The following PITPNM3 variants were observed in gnomAD, a reference collection of about 807,000 sequenced individuals.
PITPNM3 encodes the protein PITPNM family member 3.
Under a neutral mutation model 102.0 loss-of-function variants are expected in PITPNM3, and 26 were observed. The ratio of observed to expected loss-of-function variants is 0.25; its 90% CI spans 0.19 to 0.35. PITPNM3 has a LOEUF of 0.35. Ranked by LOEUF, PITPNM3 falls within the 10% of genes least tolerant of loss-of-function variation. The probability of loss-of-function intolerance (pLI) is 1.00; values close to 1 mark genes in which losing one functional copy is unlikely to be tolerated. For missense variants in PITPNM3, 1,083 were observed against 1,346.1 expected, an observed-to-expected ratio of 0.80 and a Z score of 3.06; for synonymous variants, 578 against 558.6, an observed-to-expected ratio of 1.03 and a Z score of -0.49.
intron 9 of PITPNM3, among the ~76,000 whole-genome samples, chr17:6,476,003 G>C (rs1905283462): frequency 6.6e-6 from 1 of 152,206 alleles, no homozygotes; most frequent in South Asian, 2.1e-4. Context: ...GATGTTCACT[G>C]TAGGGCTATT....
At chr17:6,507,422 A>T (rs1907594293) in intron 3 of PITPNM3, among the ~76,000 whole-genome samples, 1 of 91,100 alleles carries the variant, frequency 1.1e-5, no homozygotes, top group South Asian at 3.6e-4. Context: ...CGTCTCTACT[A>T]AAAATACAAA....
rs76219734 is a variant in PITPNM3, at chr17:6,470,564, C to T, written c.1625-156G>A. Among the ~76,000 whole-genome samples the T allele has an allele frequency of 2.5e-3, 374 of 152,228 alleles. 2 individuals carry two copies. Among genetic ancestry groups the T allele is most frequent in the African/African-American group, 8.7e-3 (362 of 41,552 alleles). On this transcript the variant is annotated intron_variant, in intron 12 of 19. Transcript: ENST00000262483. The surrounding 1 kb of genome is among the most constrained non-coding windows in gnomAD (Gnocchi z 4.8). ...TGGCCTGGAGGAGGCCTGGGGAACG[C>T]GCTGCTCTTCCTCCTTCCTTCTCAA...
In PITPNM3 at chr17:6,471,201, C is replaced by G. The variant is rs545099001; in HGVS notation, c.1584G>C (p.Ser528=). The G allele has an allele frequency of 3.1e-6, 5 of 1,613,166 alleles. No homozygotes were observed. In the South Asian group the frequency reaches 3.3e-5, roughly 11 times the overall value. ...MSEGSSHSES[S]ESSDSMAPVG... is the part of the protein sequence containing the mutation. ...CGGGTGCCATGCTGTCCGAGGACTC[C>G]GAGCTCTCGCTGTGGGAGCTCCCCT... Residue 528 remains serine (S), a synonymous_variant, in exon 12 of 20, where the codon TCG becomes TCC. Coordinates refer to ENST00000262483, the MANE Select transcript of PITPNM3 (RefSeq NM_031220.4).
chr17:6,552,757 T>C (rs975975208), intron 1 of PITPNM3, among the ~76,000 whole-genome samples: 1 of 141,690 alleles, frequency 7.1e-6, no homozygotes, highest in Non-Finnish European at 1.5e-5. Context: ...GCCACCTTTC[T>C]TTTTCTTTTT....
rs1262575352 is a variant in PITPNM3 at position 6,483,111 on chromosome 17, AT to A, written c.587+405del. 2.6e-5 allele frequency among the ~76,000 whole-genome samples: 4 copies of A among 151,992 alleles called. No homozygotes were observed. In the East Asian group the frequency reaches 7.8e-4, roughly 30 times the overall value. ...AGGCGCCCGCCACCTCACCTGGCTA[AT>A]TTTTTATATTTGTAGTAGAGACAGG... On this transcript the variant is annotated intron_variant, in intron 6 of 19. Transcript: ENST00000262483.
intron 19 of PITPNM3, among the ~76,000 whole-genome samples, chr17:6,456,973 G>T (rs1329182322): frequency 6.6e-6 from 1 of 152,072 alleles, no homozygotes; most frequent in Non-Finnish European, 1.5e-5. Flanking sequence ...CCTGCCACCT[G>T]CAGCCTGAGG....
At chr17:6,481,143 T>C (rs907716520) in intron 6 of PITPNM3, 1 of 152,334 alleles carries the variant, frequency 6.6e-6, no homozygotes, top group East Asian at 1.9e-4. Flanking sequence ...ATGATGTGAG[T>C]CATGGCCAGC....
rs1480479016 is a variant in PITPNM3 at position 6,470,437 on chromosome 17, C to T, written c.1625-29G>A. On this transcript the variant is annotated intron_variant, in intron 12 of 19. Transcript: ENST00000262483. This position sits in a 1 kb window ranked among gnomAD's most constrained non-coding sequence, Gnocchi z 4.8. The stretch of plus-strand genomic sequence containing the variant: ...TGGGTCGGAGAGGAAGGTGAGGATG[C>T]GTGGCCGGCCCGGGGCCTCACCCGA... 12 of 1,613,602 alleles carry T rather than the reference C, an allele frequency of 7.4e-6. No individual in the cohort carries two copies. Among genetic ancestry groups the T allele is most frequent in the East Asian group, 4.5e-5 (2 of 44,886 alleles).
At chr17:6,524,829 G>C (rs956488773) in intron 3 of PITPNM3, among the ~76,000 whole-genome samples, 1 of 152,160 alleles carries the variant, frequency 6.6e-6, no homozygotes, top group Non-Finnish European at 1.5e-5. Flanking sequence ...AAAAGAATCA[G>C]CCTGCTTTGT....
In PITPNM3 at chr17:6,463,747, G is replaced by GCACC; in HGVS notation, c.2287_2290dup (p.Ala764GlyfsTer53). ...TGGCACTCACCGGACAACATCCACT[G>GCACC]CACCCGGCCGGACCTTGGGGTCGCT... On this transcript the variant is annotated frameshift_variant, in exon 17 of 20. Coordinates refer to ENST00000262483, the MANE Select transcript of PITPNM3 (RefSeq NM_031220.4). LOFTEE classifies it high-confidence loss of function. The GCACC allele has an allele frequency of 6.2e-7, 1 of 1,611,502 alleles. No homozygotes were observed.
intron 2 of PITPNM3, among the ~76,000 whole-genome samples, chr17:6,534,304 C>G (rs778884839): frequency 6.6e-6 from 1 of 152,170 alleles, no homozygotes; most frequent in Non-Finnish European, 1.5e-5. Flanking sequence ...GGCACCCTGC[C>G]GAGGAGTTGT....
At position 6,468,303 on chromosome 17, in the gene PITPNM3, G is replaced by A. The variant is rs367998661; in HGVS notation, c.1812C>T (p.Ala604=). The A allele has an allele frequency of 2.5e-5, 41 of 1,613,904 alleles. No individual in the cohort carries two copies. The highest frequency in any genetic ancestry group is 2.3e-5 in the Non-Finnish European group (27 of 1,180,026). ...GACTCAGTGCTGCAGGGTCCAGGCGGGCGCTTTCCTTGATGTTCACGCTCT... is the reference window on the plus strand; with the variant it reads ...GACTCAGTGCTGCAGGGTCCAGGCGAGCGCTTTCCTTGATGTTCACGCTCT... ...RYESVNIKES[A]RLDPAALSPA... The change falls in exon 14 of 20, where the codon GCC becomes GCT. Residue 604 remains alanine (A), a synonymous_variant. Transcript: ENST00000262483. The surrounding 1 kb of genome is among the most constrained non-coding windows in gnomAD (Gnocchi z 5.2).
rs535769421 is a variant in PITPNM3 at position 6,536,085 on chromosome 17, G to GA, written c.118+1901dup. ...TCTCAAAAAAAAAAGGAAAAAAAAAGAAAAAAAAAAAAGGAGATGATGAGA... is the reference window on the plus strand; with the variant it reads ...TCTCAAAAAAAAAAGGAAAAAAAAAGAAAAAAAAAAAAAGGAGATGATGAGA... On this transcript the variant is annotated intron_variant, in intron 2 of 19. Transcript: ENST00000262483. Among the ~76,000 whole-genome samples, 1,096 of 133,616 alleles carry GA rather than the reference G, an allele frequency of 8.2e-3. 13 individuals carry two copies. Among genetic ancestry groups the GA allele is most frequent in the African/African-American group, 0.026 (938 of 36,290 alleles). The allele number at this position is 133,616 out of a possible 152,430, so 87.7% of individuals were successfully genotyped here. A position where few individuals can be genotyped will look rare whatever the true frequency, so the allele number is the denominator to read the frequency against.
rs1913858880 is a variant in PITPNM3, at chr17:6,451,885, C to CCT, written c.*3452_*3453insAG. 3.3e-5 allele frequency: 1 copy of CCT among 30,418 alleles called. No individual in the cohort carries two copies. The highest frequency in any genetic ancestry group is 4.6e-4 in the Admixed American group (1 of 2,196). 1.9% of individuals were successfully genotyped at this position (30,418 alleles called of 1,614,324 possible). ...ACTTGGCACCCAAACCCCCCCCCCCCGCCCGCCGATGGGATTCGGTGGGAA... is the reference window on the plus strand; with the variant it reads ...ACTTGGCACCCAAACCCCCCCCCCCCCTGCCCGCCGATGGGATTCGGTGGGAA... On this transcript the variant is annotated 3_prime_UTR_variant, in exon 20 of 20. Transcript: ENST00000262483.
chr17:6,523,408 CCTCT>C (rs1040966338), intron 3 of PITPNM3, among the ~76,000 whole-genome samples: 2 of 152,192 alleles, frequency 1.3e-5, no homozygotes, highest in African/African-American at 4.8e-5. Context: ...CAAACCCAGG[CCTCT>C]CTGACTCCAG....
chr17:6,514,582 T>C (rs930623796), intron 3 of PITPNM3, among the ~76,000 whole-genome samples: 1 of 152,190 alleles, frequency 6.6e-6, no homozygotes, highest in African/African-American at 2.4e-5. Context: ...AGGATGGCTA[T>C]ATCCAAAAAG....
rs772444170 is a variant in PITPNM3, at chr17:6,468,361, G to A, written c.1774-20C>T. The A allele has an allele frequency of 2.5e-6, 4 of 1,612,438 alleles. No homozygotes were observed. The highest frequency in any genetic ancestry group is 1.1e-5 in the South Asian group (1 of 91,054). On this transcript the variant is annotated intron_variant, in intron 13 of 19. Coordinates refer to ENST00000262483, the MANE Select transcript of PITPNM3 (RefSeq NM_031220.4). The surrounding 1 kb of genome is among the most constrained non-coding windows in gnomAD (Gnocchi z 5.2). Reference sequence around the variant, plus strand: ...CATTACCTAGCCAAGAGCCGAGCAGGGCCCCGGTCAGGTCTTCTGGCTTCT... The same window carrying A: ...CATTACCTAGCCAAGAGCCGAGCAGAGCCCCGGTCAGGTCTTCTGGCTTCT...
chr17:6,508,357 A>C (rs999395262), intron 3 of PITPNM3, among the ~76,000 whole-genome samples: 4 of 152,182 alleles, frequency 2.6e-5, no homozygotes, highest in Admixed American at 2.6e-4. Flanking sequence ...TTCCATGCCT[A>C]TGCAATAAGG....
chr17:6,518,237 G>A (rs1430923747), intron 3 of PITPNM3, among the ~76,000 whole-genome samples: 2 of 152,312 alleles, frequency 1.3e-5, no homozygotes, highest in South Asian at 2.1e-4. Context: ...TTTGGGTAAA[G>A]AGGAGAACGT....
Sources: allele counts gnomAD v4.1 joint callset (sites outside exome capture counted in the v4.1 genomes callset), GRCh38; gene constraint gnomAD v4.1.1; non-coding constraint Gnocchi (gnomAD v3.1); transcripts MANE v1.5; gene names NCBI Gene and HGNC (gene_info 2026-07-23, HGNC 2026-07-21).